Variants in SH3D19 observed in about 807,000 individuals in gnomAD.
SH3D19 encodes SH3 domain-containing protein 19.
SH3D19 carries 58 observed loss-of-function variants against 112.1 expected under a neutral mutation model. The ratio of observed to expected loss-of-function variants is 0.52; its 90% CI spans 0.42 to 0.64. SH3D19 has a LOEUF of 0.64. SH3D19 is among the 30% of genes least tolerant of loss of function. The pLI is 0.00. For synonymous variants in SH3D19, 391 were observed against 448.5 expected, an observed-to-expected ratio of 0.87 and a Z score of 1.62; for missense variants, 1,090 against 1,263.4, an observed-to-expected ratio of 0.86 and a Z score of 2.08.
chr4:151,209,273 G>A (rs1013834751), intron 2 of SH3D19, among the ~76,000 whole-genome samples: 2 of 149,214 alleles, frequency 1.3e-5, no homozygotes, highest in African/African-American at 2.5e-5. Flanking sequence ...CTAAACAATC[G>A]AAAAAGTATT....
At chr4:151,143,713 G>A (rs1297269788) in intron 12 of SH3D19, among the ~76,000 whole-genome samples, 197 bp downstream of exon 12, 4 of 151,872 alleles carry the variant, frequency 2.6e-5, no homozygotes, top group African/African-American at 9.7e-5. Flanking sequence ...TAGTCACTCT[G>A]TATCGAAGTG....
chr4:151,174,902 G>A lies in SH3D19; in HGVS notation c.1302C>T (p.Pro434=). Reference sequence around the variant, plus strand: ...GTTTCAGTGGAGCTGAAGGGTAGGTGGGGTTTTCTGAGGAAACAGATTTCT... The same window carrying A: ...GTTTCAGTGGAGCTGAAGGGTAGGTAGGGTTTTCTGAGGAAACAGATTTCT... ...LLKKSVSSEN[P]TYPSAPLKPV... is the part of the protein sequence containing the mutation. The change falls in exon 7 of 20, where the codon CCC becomes CCT. Residue 434 remains proline (P), a synonymous_variant. Coordinates refer to ENST00000604030, the MANE Select transcript of SH3D19 (RefSeq NM_001378122.1). 5.0e-6 allele frequency: 8 copies of A among 1,613,270 alleles called. No homozygotes were observed. Among genetic ancestry groups the A allele is most frequent in the South Asian group, 1.1e-5 (1 of 90,972 alleles).
intron 14 of SH3D19, among the ~76,000 whole-genome samples, 185 bp downstream of exon 14, chr4:151,137,547 C>G (rs1445443848): frequency 6.6e-6 from 1 of 152,168 alleles, no homozygotes; most frequent in Non-Finnish European, 1.5e-5. Flanking sequence ...TAAGTTCTAA[C>G]ACTCCATAAT....
chr4:151,316,463 G>A (rs1177526727), intron 1 of SH3D19, among the ~76,000 whole-genome samples: 2 of 152,166 alleles, frequency 1.3e-5, no homozygotes, highest in African/African-American at 2.4e-5. Flanking sequence ...CATTAATTGT[G>A]ATGAATCTAC....
chr4:151,218,492 T>C (rs916395731), intron 2 of SH3D19, among the ~76,000 whole-genome samples: 12 of 151,996 alleles, frequency 7.9e-5, no homozygotes, highest in Non-Finnish European at 1.2e-4. Context: ...GTGATCATAG[T>C]TCACCAAACT....
intron 2 of SH3D19, among the ~76,000 whole-genome samples, chr4:151,201,283 A>G (rs1362409761): frequency 6.6e-6 from 1 of 152,242 alleles, no homozygotes; most frequent in African/African-American, 2.4e-5. Flanking sequence ...CCTGATGTGA[A>G]TAACAAAAAT....
intron 19 of SH3D19, among the ~76,000 whole-genome samples, chr4:151,126,101 C>T (rs1749257669): frequency 6.6e-6 from 1 of 151,990 alleles, no homozygotes; most frequent in Non-Finnish European, 1.5e-5. Context: ...TCCTCTTTTT[C>T]TTTGTTGAGA....
At chr4:151,277,074 C>A in intron 1 of SH3D19, 2 of 861,414 alleles carry the variant, frequency 2.3e-6, no homozygotes, top group South Asian at 4.4e-5. Flanking sequence ...CAGAGGAATC[C>A]ATCTAGGAGA....
chr4:151,191,034 C>T (rs1762536718), intron 2 of SH3D19, among the ~76,000 whole-genome samples: 1 of 152,190 alleles, frequency 6.6e-6, no homozygotes, highest in African/African-American at 2.4e-5. Context: ...TGACCTGGAT[C>T]GTTTTGGACC....
intron 2 of SH3D19, among the ~76,000 whole-genome samples, chr4:151,201,439 C>T (rs114514388): frequency 1.5e-3 from 224 of 152,190 alleles, no homozygotes; most frequent in African/African-American, 5.1e-3. Context: ...TATTATTTCC[C>T]GAGTGTTTTC....
At chr4:151,214,258 A>T (rs1766513908) in intron 2 of SH3D19, among the ~76,000 whole-genome samples, 1 of 151,816 alleles carries the variant, frequency 6.6e-6, no homozygotes, top group South Asian at 2.1e-4. Context: ...AAAGTCTCCC[A>T]TGTCTACTTC....
chr4:151,151,314 T>C (rs1209581943), intron 9 of SH3D19, among the ~76,000 whole-genome samples: 1 of 151,996 alleles, frequency 6.6e-6, no homozygotes, highest in Non-Finnish European at 1.5e-5. Context: ...TTTCCTACTT[T>C]CTAAGTCCCC....
intron 1 of SH3D19, chr4:151,277,178 C>A: frequency 6.7e-7 from 1 of 1,486,832 alleles, no homozygotes. Context: ...GAGACATGGG[C>A]CCTGCTGGCT....
At chr4:151,315,694 G>C (rs993607166) in intron 1 of SH3D19, among the ~76,000 whole-genome samples, 1 of 152,058 alleles carries the variant, frequency 6.6e-6, no homozygotes, top group Non-Finnish European at 1.5e-5. Flanking sequence ...GTGTGTGGCT[G>C]CAATCCCATC....
Position 151,265,115 on chromosome 4 carries a change from TA to T in SH3D19, c.113-39030del, listed in dbSNP as rs561672250. On this transcript the variant is annotated intron_variant, in intron 1 of 19. Coordinates refer to ENST00000604030, the MANE Select transcript of SH3D19 (RefSeq NM_001378122.1). ...GCCATTAAAAAGCTTTCCATACATATAAAAAAAGAATTCAGAAAAAAACAAA... is the reference window on the plus strand; with the variant it reads ...GCCATTAAAAAGCTTTCCATACATATAAAAAAGAATTCAGAAAAAAACAAA... Among the ~76,000 whole-genome samples, 624 of 151,812 alleles carry T rather than the reference TA, an allele frequency of 4.1e-3. 2 individuals are homozygous for T. The highest frequency in any genetic ancestry group is 6.3e-3 in the Non-Finnish European group (426 of 67,916).
intron 2 of SH3D19, among the ~76,000 whole-genome samples, chr4:151,197,004 G>A (rs1033356296): frequency 1.4e-4 from 22 of 152,236 alleles, no homozygotes; most frequent in African/African-American, 5.1e-4. Flanking sequence ...AATAGATGTT[G>A]GTATGGATGC....
chr4:151,265,488 C>T (rs1018621804), intron 1 of SH3D19, among the ~76,000 whole-genome samples: 7 of 151,394 alleles, frequency 4.6e-5, no homozygotes, highest in Admixed American at 3.3e-4. Context: ...ACAAATTATC[C>T]GATACTACTC....
At chr4:151,167,103 A>G (rs1758172913) in intron 7 of SH3D19, among the ~76,000 whole-genome samples, 1 of 151,668 alleles carries the variant, frequency 6.6e-6, no homozygotes, top group South Asian at 2.1e-4. Context: ...GAATCTTACC[A>G]GCTCACAGTG....
intron 1 of SH3D19, among the ~76,000 whole-genome samples, chr4:151,312,778 G>A (rs1206910618): frequency 1.3e-5 from 2 of 151,934 alleles, no homozygotes; most frequent in African/African-American, 4.8e-5. Flanking sequence ...GTGGGCACCT[G>A]TAGTCCCAGC....
Sources: gnomAD v4.1 joint callset for allele counts (sites outside exome capture counted in the v4.1 genomes callset) on GRCh38, gnomAD v4.1.1 for gene constraint, MANE v1.5 for transcripts, NCBI Gene and HGNC (gene_info 2026-07-23, HGNC 2026-07-21) for gene names.